The following TRIO variants were observed in gnomAD, a reference collection of about 807,000 sequenced individuals.
TRIO encodes the protein triple functional domain protein.
In TRIO, 58 loss-of-function variants were observed where a neutral mutation model predicts 351.9. That is an observed-to-expected ratio of 0.16 (90% CI 0.13 to 0.21). The LOEUF (loss-of-function observed/expected upper bound fraction) is 0.21, where lower values mean the gene tolerates loss of function less well. TRIO is among the 10% of genes least tolerant of loss of function. The probability of loss-of-function intolerance (pLI) is 1.00; values close to 1 mark genes in which losing one functional copy is unlikely to be tolerated. For synonymous variants in TRIO, 1,758 were observed against 1,595.7 expected (o/e 1.10, Z -2.42); for missense variants, 3,201 against 4,027.8 (o/e 0.79, Z 5.56).
intron 30 of TRIO, among the ~76,000 whole-genome samples, 195 bp from the exon 31 acceptor site, chr5:14,400,768 C>T (rs762084640): frequency 4.6e-5 from 7 of 152,140 alleles, no homozygotes; most frequent in Non-Finnish European, 1.0e-4. Context: ...TCACAGGAAG[C>T]GAAGGATGAA....
In TRIO at chr5:14,368,713, A is replaced by T. The variant is rs202077483; in HGVS notation, c.2880A>T (p.Thr960=). 26 of 1,612,188 alleles carry T rather than the reference A, an allele frequency of 1.6e-5. No individual in the cohort carries two copies. Among genetic ancestry groups the T allele is most frequent in the Non-Finnish European group, 2.2e-5 (26 of 1,178,516 alleles). ...CTTTTGTTCTCTGTCTCTAGAAAAC[A>T]CATCAGAGCGCGCTGCAGGTGCAGC... ...HEQFQHAIEK[T]HQSALQVQQK... Residue 960 remains threonine, a synonymous_variant, in exon 17 of 57, where the codon ACA becomes ACT. Transcript: ENST00000344204.
chr5:14,256,749 G>A (rs752860624), intron 1 of TRIO, among the ~76,000 whole-genome samples: 5 of 152,198 alleles, frequency 3.3e-5, no homozygotes, highest in African/African-American at 4.8e-5. Context: ...GCAACTGCCC[G>A]TCCTCCTCCT....
In TRIO at chr5:14,291,458, G is replaced by C. The variant is rs79740949; in HGVS notation, c.1053+230G>C. Among the ~76,000 whole-genome samples, 867 of 151,612 alleles carry C rather than the reference G, an allele frequency of 5.7e-3. 1 individual carries two copies. The highest frequency in any genetic ancestry group is 0.01 in the Non-Finnish European group (705 of 67,936). On this transcript the variant is annotated intron_variant, in intron 5 of 56. Coordinates refer to ENST00000344204, the MANE Select transcript of TRIO (RefSeq NM_007118.4). ...TTTGAGTTCAAATTACTTATTCTTT[G>C]GTCTAGGATGCCTGTAAGATAGGAA... is the stretch of plus-strand genomic sequence containing the variant.
At chr5:14,218,732 G>A (rs958787288) in intron 1 of TRIO, among the ~76,000 whole-genome samples, 2 of 152,198 alleles carry the variant, frequency 1.3e-5, no homozygotes, top group African/African-American at 4.8e-5. Context: ...GTGCAGCCAG[G>A]GCTATACCCG....
intron 1 of TRIO, among the ~76,000 whole-genome samples, chr5:14,239,351 G>T (rs919141015): frequency 2.6e-4 from 39 of 152,182 alleles, no homozygotes; most frequent in Non-Finnish European, 1.5e-4. Flanking sequence ...GAAATGTATA[G>T]AATAAGAATT....
rs1164194119 is a variant in TRIO, at chr5:14,437,686, A to ACC, written c.5203+17672_5203+17673dup. Among the ~76,000 whole-genome samples, 140 of 99,260 alleles carry ACC rather than the reference A, an allele frequency of 1.4e-3. 2 individuals carry two copies. Among genetic ancestry groups the ACC allele is most frequent in the African/African-American group, 5.5e-3 (123 of 22,278 alleles). 65.1% of individuals were successfully genotyped at this position (99,260 alleles called of 152,430 possible). A position where few individuals can be genotyped will look rare whatever the true frequency, so the allele number is the denominator to read the frequency against. Reference sequence around the variant, plus strand: ...ACACCAGGCATATTGGATGAGGACCACCCCCCCCGCCCCAAGGACCTCATT... The same window carrying ACC: ...ACACCAGGCATATTGGATGAGGACCACCCCCCCCCCGCCCCAAGGACCTCATT... On this transcript the variant is annotated intron_variant, in intron 34 of 56. Coordinates refer to ENST00000344204, the MANE Select transcript of TRIO (RefSeq NM_007118.4).
At chr5:14,238,245 T>C (rs1384488566) in intron 1 of TRIO, among the ~76,000 whole-genome samples, 1 of 152,248 alleles carries the variant, frequency 6.6e-6, no homozygotes, top group Non-Finnish European at 1.5e-5. Flanking sequence ...GACTACTGCA[T>C]GCTGGGAGGG....
At chr5:14,157,965 A>G (rs908290186) in intron 1 of TRIO, among the ~76,000 whole-genome samples, 2 of 152,118 alleles carry the variant, frequency 1.3e-5, no homozygotes, top group African/African-American at 4.8e-5. Context: ...AGTTTCATAT[A>G]TTATGTTCTG....
Position 14,330,351 on chromosome 5 carries a change from A to G in TRIO, c.1732-427A>G, listed in dbSNP as rs571686888. Among the ~76,000 whole-genome samples, 76 of 152,370 alleles carry G rather than the reference A, an allele frequency of 5.0e-4. 1 individual carries two copies. The highest frequency in any genetic ancestry group is 8.1e-4 in the Non-Finnish European group (55 of 68,040). ...AGAGATGGAAAAAAAATGACTCTGT[A>G]GTTAAACTTGAATTGCCTTAGTAGT... On this transcript the variant is annotated intron_variant, in intron 9 of 56. Coordinates refer to ENST00000344204, the MANE Select transcript of TRIO (RefSeq NM_007118.4).
At chr5:14,159,808 G>A (rs1303799111) in intron 1 of TRIO, among the ~76,000 whole-genome samples, 1 of 152,006 alleles carries the variant, frequency 6.6e-6, no homozygotes, top group South Asian at 2.1e-4. Flanking sequence ...TTCCTGATCT[G>A]CCCGCCTCGG....
At chr5:14,153,800 C>G (rs1787959940) in intron 1 of TRIO, among the ~76,000 whole-genome samples, 2 of 152,224 alleles carry the variant, frequency 1.3e-5, no homozygotes, top group Admixed American at 6.5e-5. Flanking sequence ...GACCCCTCCT[C>G]TATACAGCAT....
At chr5:14,321,263 C>T (rs567857329) in intron 9 of TRIO, among the ~76,000 whole-genome samples, 1 of 152,220 alleles carries the variant, frequency 6.6e-6, no homozygotes, top group East Asian at 1.9e-4. Flanking sequence ...AGGCAGGACC[C>T]ATCCAAGGAG....
chr5:14,374,859 TGTAA>T (rs1417564507), intron 19 of TRIO, among the ~76,000 whole-genome samples: 3 of 152,158 alleles, frequency 2.0e-5, no homozygotes, highest in Admixed American at 6.5e-5. Flanking sequence ...TGTGTGTGTG[TGTAA>T]GTGTTTAGAA....
At position 14,366,897 on chromosome 5, in the gene TRIO, A is replaced by G. The variant is rs1400510509; in HGVS notation, c.2792A>G (p.Asn931Ser). 2.5e-6 allele frequency: 4 copies of G among 1,614,066 alleles called. No homozygotes were observed. Among genetic ancestry groups the G allele is most frequent in the Admixed American group, 3.3e-5 (2 of 60,016 alleles). Residue 931 changes from asparagine (N) to serine (S), a missense_variant, in exon 16 of 57, where the codon AAT becomes AGT. Asn to Ser is a conservative substitution (Grantham distance 46, BLOSUM62 1). Transcript: ENST00000344204. ...ATCCGCAACGGAGAGTCCATGTTAA[A>G]TGCCGGACTTATCACAGCCAGCTCG... ...GWIRNGESML[N>S]AGLITASSLQ... is the part of the protein sequence containing the mutation.
chr5:14,419,093 C>T (rs1749895913), intron 33 of TRIO, among the ~76,000 whole-genome samples: 1 of 152,084 alleles, frequency 6.6e-6, no homozygotes. Context: ...GCTGGAGGAA[C>T]AGAAGGCCAG....
At position 14,509,266 on chromosome 5, in the gene TRIO, A is replaced by G; in HGVS notation, c.*844A>G. The stretch of plus-strand genomic sequence containing the variant: ...GGGTTTTTTGGTTTTACTTCATATC[A>G]TGTGCAATGTTGTGGCTTTAACATT... On this transcript the variant is annotated 3_prime_UTR_variant, in exon 57 of 57. Transcript: ENST00000344204. The G allele has an allele frequency of 5.5e-6, 2 of 361,966 alleles. No homozygotes were observed. The highest frequency in any genetic ancestry group is 1.1e-5 in the Non-Finnish European group (2 of 187,168). The allele number at this position is 361,966 out of a possible 1,614,324, so 22.4% of individuals were successfully genotyped here.
At chr5:14,375,599 G>A (rs940575652) in intron 19 of TRIO, among the ~76,000 whole-genome samples, 1 of 152,190 alleles carries the variant, frequency 6.6e-6, no homozygotes, top group African/African-American at 2.4e-5. Flanking sequence ...CTAAGTTCCT[G>A]TAAGAGTAAT....
intron 11 of TRIO, among the ~76,000 whole-genome samples, chr5:14,338,867 G>A (rs548516727): frequency 5.9e-5 from 9 of 152,274 alleles, no homozygotes; most frequent in African/African-American, 1.9e-4. Context: ...GGTGGTTGGA[G>A]CTGGTGTTTG....
chr5:14,414,336 G>A lies in TRIO; in HGVS notation c.4960-5442G>A, dbSNP rs756169347. ...GTGAACCCTTGAAGCCTAATGCGAG[G>A]GAGCTGCCACGTCTCTGGTTTGCCT... On this transcript the variant is annotated intron_variant, in intron 33 of 56. Coordinates refer to ENST00000344204, the MANE Select transcript of TRIO (RefSeq NM_007118.4). Among the ~76,000 whole-genome samples the A allele has an allele frequency of 9.2e-4, 140 of 152,232 alleles. 3 individuals are homozygous for A. Among genetic ancestry groups the A allele is most frequent in the Admixed American group, 3.3e-4 (5 of 15,292 alleles).
Sources: gnomAD v4.1 joint callset for allele counts (sites outside exome capture counted in the v4.1 genomes callset) on GRCh38, gnomAD v4.1.1 for gene constraint, MANE v1.5 for transcripts, NCBI Gene and HGNC (gene_info 2026-07-23, HGNC 2026-07-21) for gene names.